NKAIN2: variants seen among roughly 807,000 people sequenced by gnomAD.
The protein encoded by NKAIN2 is sodium/potassium transporting ATPase interacting 2, also known as sodium/potassium-transporting ATPase subunit beta-1-interacting protein 2.
Under a neutral mutation model 32.6 loss-of-function variants are expected in NKAIN2, and 14 were observed. The observed-to-expected ratio is 0.43, with a 90% CI of 0.28 to 0.67. NKAIN2 has a LOEUF of 0.67. Ranked by LOEUF, NKAIN2 falls within the 30% of genes least tolerant of loss-of-function variation. The pLI is 0.17. For synonymous variants in NKAIN2, 80 were observed against 87.2 expected, an observed-to-expected ratio of 0.92 and a Z score of 0.46; for missense variants, 198 against 258.3, an observed-to-expected ratio of 0.77 and a Z score of 1.60.
At chr6:124,573,124 G>A (rs1286087245) in intron 3 of NKAIN2, among the ~76,000 whole-genome samples, 3 of 152,182 alleles carry the variant, frequency 2.0e-5, no homozygotes, top group Admixed American at 6.5e-5. Context: ...ACAAGCGTGA[G>A]CCACCACGCC....
chr6:123,944,089 C>T (rs1370657430), intron 1 of NKAIN2, among the ~76,000 whole-genome samples: 1 of 151,850 alleles, frequency 6.6e-6, no homozygotes, highest in Non-Finnish European at 1.5e-5. Flanking sequence ...GATTGCTGGA[C>T]CTAAAGGAAG....
chr6:124,211,105 A>G (rs1391701031), intron 1 of NKAIN2, among the ~76,000 whole-genome samples: 1 of 151,816 alleles, frequency 6.6e-6, no homozygotes, highest in East Asian at 1.9e-4. Context: ...TGACTGGAAC[A>G]ATGTATATAT....
intron 3 of NKAIN2, among the ~76,000 whole-genome samples, chr6:124,472,455 A>G (rs1349191550): frequency 6.6e-6 from 1 of 152,158 alleles, no homozygotes; most frequent in Admixed American, 6.6e-5. Context: ...TCATCTGTAC[A>G]TAAGCCATCT....
At chr6:124,101,558 G>C (rs868080069) in intron 1 of NKAIN2, among the ~76,000 whole-genome samples, 1 of 151,882 alleles carries the variant, frequency 6.6e-6, no homozygotes, top group African/African-American at 2.4e-5. Flanking sequence ...ATTTATTCTT[G>C]ACAAAGCAGG....
At chr6:124,647,074 A>G (rs1784199799) in intron 3 of NKAIN2, among the ~76,000 whole-genome samples, 1 of 152,092 alleles carries the variant, frequency 6.6e-6, no homozygotes, top group East Asian at 1.9e-4. Flanking sequence ...TACCCCTAGT[A>G]TTTTATATTA....
At chr6:124,728,824 GA>G (rs530776075) in intron 4 of NKAIN2, among the ~76,000 whole-genome samples, 1 of 150,540 alleles carries the variant, frequency 6.6e-6, no homozygotes, top group Non-Finnish European at 1.5e-5. Context: ...GACTAATAAA[GA>G]AAAAAAGAGA....
intron 3 of NKAIN2, among the ~76,000 whole-genome samples, chr6:124,400,202 C>A (rs988655365): frequency 6.6e-6 from 1 of 152,116 alleles, no homozygotes; most frequent in African/African-American, 2.4e-5. Context: ...CTGGGCCACA[C>A]CCCAAGAGAA....
At chr6:124,545,973 TTTAATG>T (rs1780081469) in intron 3 of NKAIN2, among the ~76,000 whole-genome samples, 1 of 152,230 alleles carries the variant, frequency 6.6e-6, no homozygotes, top group Admixed American at 6.5e-5. Context: ...CTTCAACTTT[TTTAATG>T]TTTTATTTTG....
intron 1 of NKAIN2, among the ~76,000 whole-genome samples, chr6:124,133,102 G>T (rs1027559319): frequency 6.6e-6 from 1 of 152,162 alleles, no homozygotes. Flanking sequence ...TGGAGAAGGG[G>T]TACTTATTCC....
intron 2 of NKAIN2, among the ~76,000 whole-genome samples, chr6:124,333,344 C>T (rs1000314934): frequency 6.6e-6 from 1 of 151,972 alleles, no homozygotes; most frequent in African/African-American, 2.4e-5. Flanking sequence ...TTCTGCCTAC[C>T]ACACTTAAAA....
chr6:124,714,502 A>G (rs984123232), intron 4 of NKAIN2, among the ~76,000 whole-genome samples: 8 of 152,260 alleles, frequency 5.3e-5, no homozygotes, highest in African/African-American at 1.9e-4. Context: ...CCTTTTGTCT[A>G]TTCTTGGGCC....
At chr6:124,680,887 G>T (rs1455392609) in intron 4 of NKAIN2, among the ~76,000 whole-genome samples, 1 of 151,578 alleles carries the variant, frequency 6.6e-6, no homozygotes, top group African/African-American at 2.4e-5. Context: ...GAGAAAGAAA[G>T]GAAAAACTAG....
At chr6:124,671,622 ATC>A (rs1051136668) in intron 4 of NKAIN2, among the ~76,000 whole-genome samples, 2 of 151,986 alleles carry the variant, frequency 1.3e-5, no homozygotes, top group African/African-American at 4.8e-5. Flanking sequence ...CTGATCAACA[ATC>A]TGTTTTTGCC....
chr6:124,474,362 G>A (rs1777099454), intron 3 of NKAIN2, among the ~76,000 whole-genome samples: 2 of 152,176 alleles, frequency 1.3e-5, no homozygotes, highest in East Asian at 3.9e-4. Flanking sequence ...AACACCCTCT[G>A]AGTTTGCTTC....
At chr6:124,736,848 T>G (rs1216006793) in intron 4 of NKAIN2, among the ~76,000 whole-genome samples, 1 of 151,972 alleles carries the variant, frequency 6.6e-6, no homozygotes, top group Admixed American at 6.6e-5. Context: ...TTATGCCTGC[T>G]AACACAACAA....
chr6:123,968,137 A>G (rs557536122), intron 1 of NKAIN2, among the ~76,000 whole-genome samples: 8 of 152,278 alleles, frequency 5.3e-5, no homozygotes, highest in African/African-American at 1.9e-4. Flanking sequence ...TTCTCGCCCA[A>G]CTTTTTGCTT....
chr6:124,613,656 A>T (rs539359716), intron 3 of NKAIN2, among the ~76,000 whole-genome samples: 105 of 152,324 alleles, frequency 6.9e-4, no homozygotes, highest in African/African-American at 2.5e-3. Context: ...CAGAGGGTCA[A>T]ATTTACAGAT....
chr6:124,631,658 A>T (rs992577611), intron 3 of NKAIN2, among the ~76,000 whole-genome samples: 1 of 152,134 alleles, frequency 6.6e-6, no homozygotes, highest in Non-Finnish European at 1.5e-5. Context: ...TACCGTCCAG[A>T]TAAAGTCCTC....
intron 3 of NKAIN2, among the ~76,000 whole-genome samples, chr6:124,620,685 A>G (rs1478226199): frequency 2.6e-5 from 4 of 152,226 alleles, no homozygotes; most frequent in Non-Finnish European, 5.9e-5. Flanking sequence ...CCTGTCTCAT[A>G]TGGAACACTA....
Sources: gnomAD v4.1 joint callset for allele counts (sites outside exome capture counted in the v4.1 genomes callset) on GRCh38, gnomAD v4.1.1 for gene constraint, MANE v1.5 for transcripts, NCBI Gene and HGNC (gene_info 2026-07-23, HGNC 2026-07-21) for gene names.